MMP2: variants seen among roughly 807,000 people sequenced by gnomAD.
MMP2 encodes matrix metallopeptidase 2.
A neutral mutation model predicts 74.8 loss-of-function variants in MMP2; 39 were observed. The observed-to-expected ratio is 0.52, with a 90% CI of 0.40 to 0.68. The LOEUF (loss-of-function observed/expected upper bound fraction) is 0.68. Ranked by LOEUF, MMP2 falls within the 30% of genes least tolerant of loss-of-function variation. MMP2 has a pLI of 0.00. For missense variants in MMP2, 803 were observed against 878.3 expected (o/e 0.91, Z 1.08); for synonymous variants, 367 against 339.8 (o/e 1.08, Z -0.88).
chr16:55,503,539 A>G (rs1358562528), intron 12 of MMP2, among the ~76,000 whole-genome samples: 3 of 151,530 alleles, frequency 2.0e-5, no homozygotes, highest in Non-Finnish European at 4.4e-5. Flanking sequence ...TATGCTAAGC[A>G]CAGGCCCTGA....
chr16:55,499,418 A>G (rs1331189747), intron 11 of MMP2, among the ~76,000 whole-genome samples: 1 of 152,302 alleles, frequency 6.6e-6, no homozygotes, highest in African/African-American at 2.4e-5. Context: ...AGAAGCCAGC[A>G]TCCAAATCAG....
chr16:55,482,537 G>A lies in MMP2; in HGVS notation c.154-372G>A, dbSNP rs550670883. ...TCTACCATTTGTGAACTGTGTGATCGTAAGCAAGTTTCTTAACCTCTCTGT... is the reference window on the plus strand; with the variant it reads ...TCTACCATTTGTGAACTGTGTGATCATAAGCAAGTTTCTTAACCTCTCTGT... On this transcript the variant is annotated intron_variant, in intron 1 of 12. Coordinates refer to ENST00000219070, the MANE Select transcript of MMP2 (RefSeq NM_004530.6). 1.4e-4 allele frequency among the ~76,000 whole-genome samples: 21 copies of A among 152,308 alleles called. No individual in the cohort carries two copies. In the South Asian group the frequency reaches 1.7e-3, roughly 12 times the overall value.
At chr16:55,484,868 C>T (rs746996684) in intron 3 of MMP2, among the ~76,000 whole-genome samples, 1 of 152,022 alleles carries the variant, frequency 6.6e-6, no homozygotes, top group Non-Finnish European at 1.5e-5. Context: ...ACAAGGTGGG[C>T]ATGAGGATTC....
At position 55,485,591 on chromosome 16, in the gene MMP2, T is replaced by C; in HGVS notation, c.659-13T>C. 1 of 1,614,078 alleles carries C rather than the reference T, an allele frequency of 6.2e-7. No homozygotes were observed. On this transcript the variant is annotated splice_polypyrimidine_tract_variant and intron_variant, in intron 4 of 12. Transcript: ENST00000219070. Reference sequence around the variant, plus strand: ...GGAGAAGTCCAACCTCCCCCTTCCATGTCACTCTTTAGTGGTCCGTGTGAA... The same window carrying C: ...GGAGAAGTCCAACCTCCCCCTTCCACGTCACTCTTTAGTGGTCCGTGTGAA...
At chr16:55,483,703 G>GT (rs1259247630) in intron 2 of MMP2, among the ~76,000 whole-genome samples, 1 of 152,168 alleles carries the variant, frequency 6.6e-6, no homozygotes, top group African/African-American at 2.4e-5. Context: ...CCAGCCAGAA[G>GT]TGACAGATGG....
Position 55,485,312 on chromosome 16 carries a change from A to T in MMP2, c.543A>T (p.Gly181=). 1 of 1,614,084 alleles carries T rather than the reference A, an allele frequency of 6.2e-7. No individual in the cohort carries two copies. Among genetic ancestry groups the T allele is most frequent in the Non-Finnish European group, 8.5e-7 (1 of 1,179,986 alleles). The change falls in exon 4 of 13, where the codon GGA becomes GGT. Residue 181 remains glycine (G), a synonymous_variant. Coordinates refer to ENST00000219070, the MANE Select transcript of MMP2 (RefSeq NM_004530.6). ...TGTGTGTTTCAGAGCATGGCGATGG[A>T]TACCCCTTTGACGGTAAGGACGGAC... ...INFGRWEHGD[G]YPFDGKDGLL...
At chr16:55,491,040 G>A (rs1215099996) in intron 7 of MMP2, among the ~76,000 whole-genome samples, 1 of 151,346 alleles carries the variant, frequency 6.6e-6, no homozygotes, top group Non-Finnish European at 1.5e-5. Context: ...TGACATGGAT[G>A]GCCTTCTTCC....
intron 6 of MMP2, among the ~76,000 whole-genome samples, 160 bp from the exon 7 acceptor site, chr16:55,489,491 A>C (rs1358963837): frequency 6.6e-6 from 1 of 152,238 alleles, no homozygotes; most frequent in Non-Finnish European, 1.5e-5. Context: ...CCTCCTGCAC[A>C]AGGCTGTTGT....
rs746451802 is a variant in MMP2, at chr16:55,485,696, G to A, written c.751G>A (p.Gly251Ser). 8.1e-6 allele frequency: 13 copies of A among 1,614,082 alleles called. No individual in the cohort carries two copies. Among genetic ancestry groups the A allele is most frequent in the Middle Eastern group, 1.7e-4 (1 of 6,060 alleles). Residue 251 changes from glycine (G) to serine (S), a missense_variant, in exon 5 of 13, where the codon GGC becomes AGC. Coordinates refer to ENST00000219070, the MANE Select transcript of MMP2 (RefSeq NM_004530.6). The part of the protein sequence containing the change: ...GKEYNSCTDT[G>S]RSDGFLWCST... Reference sequence around the variant, plus strand: ...GGAGTACAACAGCTGCACTGATACCGGCCGCAGCGATGGCTTCCTCTGGTG... The same window carrying A: ...GGAGTACAACAGCTGCACTGATACCAGCCGCAGCGATGGCTTCCTCTGGTG...
intron 2 of MMP2, among the ~76,000 whole-genome samples, chr16:55,483,645 G>A (rs148274485): frequency 0.016 from 2,383 of 152,206 alleles, 29 homozygotes; most frequent in Non-Finnish European, 0.026. Context: ...TCCAATGGTG[G>A]GATCTTTGCC....
At chr16:55,489,556 A>G (rs1318248969) in intron 6 of MMP2, 95 bp from the exon 7 acceptor site, 92 of 1,446,166 alleles carry the variant, frequency 6.4e-5, no homozygotes, top group Admixed American at 5.0e-5. Context: ...AGTCTAACTT[A>G]GGTGTGGTTC....
At chr16:55,494,142 C>G (rs1182657892) in intron 9 of MMP2, among the ~76,000 whole-genome samples, 1 of 152,206 alleles carries the variant, frequency 6.6e-6, no homozygotes. Context: ...ATCCATTATT[C>G]ATTATTCATC....
At position 55,506,646 on chromosome 16, in the gene MMP2, A is replaced by G. The variant is rs758075499; in HGVS notation, c.*1204A>G. 1 of 152,204 alleles carries G rather than the reference A, an allele frequency of 6.6e-6. No individual in the cohort carries two copies. Among genetic ancestry groups the G allele is most frequent in the Non-Finnish European group, 1.5e-5 (1 of 68,040 alleles). The allele number at this position is 152,204 out of a possible 1,614,324, so 9.4% of individuals were successfully genotyped here. A position where few individuals can be genotyped will look rare whatever the true frequency, so the allele number is the denominator to read the frequency against. ...CACCTATTTTAACCTTTCCAACCAC[A>G]TAAATAAAAAAGGCCATTATTAGTT... On this transcript the variant is annotated 3_prime_UTR_variant, in exon 13 of 13. Coordinates refer to ENST00000219070, the MANE Select transcript of MMP2 (RefSeq NM_004530.6).
Position 55,493,008 on chromosome 16 carries a change from C to A in MMP2, c.1337-150C>A, listed in dbSNP as rs1443802748. On this transcript the variant is annotated intron_variant, in intron 8 of 12. Transcript: ENST00000219070. ...GGCCCCAGGACTCCCCAAGTCCAGGCATCTTCTTGTTACCTTACGGAGCTT... is the reference window on the plus strand; with the variant it reads ...GGCCCCAGGACTCCCCAAGTCCAGGAATCTTCTTGTTACCTTACGGAGCTT... 12 of 884,192 alleles carry A rather than the reference C, an allele frequency of 1.4e-5. No individual in the cohort carries two copies. The East Asian group carries it at 2.4e-4, about 18-fold the overall frequency. 54.8% of individuals were successfully genotyped at this position (884,192 alleles called of 1,614,324 possible). A position where few individuals can be genotyped will look rare whatever the true frequency, so the allele number is the denominator to read the frequency against.
chr16:55,491,980 GGGT>G (rs1567378157), intron 8 of MMP2, 24 bp downstream of exon 8: 18 of 1,583,268 alleles, frequency 1.1e-5, no homozygotes, highest in Non-Finnish European at 1.5e-5. Context: ...CGGGGGTTGG[GGGT>G]GGAGGGTGAG....
rs552111250 is a variant in MMP2 at position 55,505,981 on chromosome 16, T to G, written c.*539T>G. 6 of 163,412 alleles carry G rather than the reference T, an allele frequency of 3.7e-5. No individual in the cohort carries two copies. The highest frequency in any genetic ancestry group is 5.4e-5 in the Non-Finnish European group (4 of 74,284). The allele number at this position is 163,412 out of a possible 1,614,324, so 10.1% of individuals were successfully genotyped here. On this transcript the variant is annotated 3_prime_UTR_variant, in exon 13 of 13. Transcript: ENST00000219070. ...TGCACTTTGTTTTTTTCTTTGGGTC[T>G]TGTTTTTTTTTTCCACTTAGAAATT... is the stretch of plus-strand genomic sequence containing the variant.
intron 11 of MMP2, among the ~76,000 whole-genome samples, chr16:55,501,794 AGGTGG>A (rs1962673726): frequency 6.6e-6 from 1 of 152,084 alleles, no homozygotes; most frequent in Admixed American, 6.6e-5. Context: ...GTGGAGCAAA[AGGTGG>A]CTGCTACCAG....
chr16:55,499,204 C>A (rs556001388), intron 11 of MMP2, among the ~76,000 whole-genome samples: 1 of 150,998 alleles, frequency 6.6e-6, no homozygotes, highest in East Asian at 1.9e-4. Context: ...GGTTAAGTAA[C>A]CAGCTTGGAG....
intron 11 of MMP2, among the ~76,000 whole-genome samples, chr16:55,500,538 C>CACACACACACACACACACACACAG (rs1227112652): frequency 8.1e-5 from 12 of 147,624 alleles, no homozygotes; most frequent in African/African-American, 2.5e-4. Flanking sequence ...CACACACACA[C>CACACACACACACACACACACACAG]AGGCATGGAG....
Sources: allele counts gnomAD v4.1 joint callset (sites outside exome capture counted in the v4.1 genomes callset), GRCh38; gene constraint gnomAD v4.1.1; transcripts MANE v1.5; gene names NCBI Gene and HGNC (gene_info 2026-07-23, HGNC 2026-07-21).